CSMD1: variants seen among roughly 807,000 people sequenced by gnomAD.
CSMD1 encodes CUB and sushi domain-containing protein 1.
A neutral mutation model predicts 417.5 loss-of-function variants in CSMD1; 213 were observed. The observed-to-expected ratio is 0.51, with a 90% confidence interval of 0.46 to 0.57. CSMD1 has a LOEUF of 0.57. Among genes scored for constraint, CSMD1 ranks in the 20% least tolerant of loss-of-function variants. The probability of loss-of-function intolerance (pLI) is 0.00; values close to 1 mark genes in which losing one functional copy is unlikely to be tolerated. For missense variants in CSMD1, 6,923 were observed against 4,529.7 expected, an observed-to-expected ratio of 1.53 and a Z score of -15.17; for synonymous variants, 2,862 against 1,736.8, an observed-to-expected ratio of 1.65 and a Z score of -16.11.
At chr8:3,984,778 T>C (rs971413754) in intron 5 of CSMD1, among the ~76,000 whole-genome samples, 1 of 145,252 alleles carries the variant, frequency 6.9e-6, no homozygotes, top group African/African-American at 2.5e-5. Flanking sequence ...CGTGTGTGTG[T>C]GTGTGTGGGT....
intron 7 of CSMD1, among the ~76,000 whole-genome samples, chr8:3,667,620 T>G (rs975073425): frequency 9.9e-5 from 15 of 152,108 alleles, no homozygotes; most frequent in African/African-American, 3.6e-4. Context: ...AGAGGAGTCC[T>G]CCTCCTTATT....
chr8:3,714,298 A>C (rs571305481), intron 6 of CSMD1, among the ~76,000 whole-genome samples: 16 of 151,138 alleles, frequency 1.1e-4, no homozygotes, highest in African/African-American at 3.9e-4. Context: ...GATTTCTGTT[A>C]AATTTGAGAA....
chr8:3,344,434 C>T lies in CSMD1; in HGVS notation c.3475-984G>A, dbSNP rs142789994. Among the ~76,000 whole-genome samples, 1,409 of 152,260 alleles carry T rather than the reference C, an allele frequency of 9.3e-3. 14 individuals are homozygous for T. Among genetic ancestry groups the T allele is most frequent in the Non-Finnish European group, 0.014 (978 of 68,026 alleles). ...GGGTAACAAGCCTGCACTTCCTGCA[C>T]ACGTATCCCAGAGCTTAAGATAAAA... is the stretch of plus-strand genomic sequence containing the variant. On this transcript the variant is annotated intron_variant, in intron 22 of 69. Coordinates refer to ENST00000635120, the MANE Select transcript of CSMD1 (RefSeq NM_033225.6).
intron 10 of CSMD1, among the ~76,000 whole-genome samples, chr8:3,520,225 G>A (rs1022631436): frequency 1.3e-5 from 2 of 151,930 alleles, no homozygotes; most frequent in African/African-American, 4.8e-5. Context: ...ACTATATGTA[G>A]ATAAGTTGAT....
rs200630697 is a variant in CSMD1 at position 3,971,475 on chromosome 8, A to T, written c.818+26428T>A. On this transcript the variant is annotated intron_variant, in intron 5 of 69. Coordinates refer to ENST00000635120, the MANE Select transcript of CSMD1 (RefSeq NM_033225.6). ...CGACTAATGCAATTGCAAGTTGACA[A>T]CTTTAAAAAATCTATGTGATAAATC... 1.5e-4 allele frequency among the ~76,000 whole-genome samples: 23 copies of T among 152,370 alleles called. No homozygotes were observed. The East Asian group carries it at 2.7e-3, about 18-fold the overall frequency.
intron 6 of CSMD1, among the ~76,000 whole-genome samples, chr8:3,749,222 T>C (rs1797202720): frequency 6.6e-6 from 1 of 152,206 alleles, no homozygotes; most frequent in Admixed American, 6.5e-5. Flanking sequence ...ATGGGCTCAA[T>C]TTTCAGCTGA....
intron 25 of CSMD1, among the ~76,000 whole-genome samples, chr8:3,306,136 C>T (rs1804824210): frequency 6.6e-6 from 1 of 152,024 alleles, no homozygotes; most frequent in Admixed American, 6.6e-5. Context: ...CACTTCATCC[C>T]ATTTTATTTT....
intron 3 of CSMD1, among the ~76,000 whole-genome samples, chr8:4,225,697 C>T (rs541753951): frequency 1.3e-5 from 2 of 152,080 alleles, no homozygotes; most frequent in African/African-American, 2.4e-5. Context: ...TCTCACCAGG[C>T]AAGGATGTTA....
intron 3 of CSMD1, among the ~76,000 whole-genome samples, chr8:4,225,182 C>T (rs969983115): frequency 1.3e-5 from 2 of 152,158 alleles, no homozygotes; most frequent in South Asian, 2.1e-4. Flanking sequence ...TATTTCAGGA[C>T]ACATGGCAAC....
chr8:3,605,241 C>T (rs1055149103), intron 8 of CSMD1, among the ~76,000 whole-genome samples: 1 of 152,152 alleles, frequency 6.6e-6, no homozygotes, highest in African/African-American at 2.4e-5. Flanking sequence ...CCACCCGCCT[C>T]GGCCTCCCAC....
intron 23 of CSMD1, among the ~76,000 whole-genome samples, chr8:3,314,168 T>C (rs568653468): frequency 2.6e-5 from 4 of 152,156 alleles, no homozygotes; most frequent in Non-Finnish European, 4.4e-5. Flanking sequence ...ATACCTAATG[T>C]TAAATGACTA....
At chr8:3,475,782 G>T (rs1246381819) in intron 11 of CSMD1, among the ~76,000 whole-genome samples, 1 of 152,218 alleles carries the variant, frequency 6.6e-6, no homozygotes, top group African/African-American at 2.4e-5. Flanking sequence ...TGAAGGAAAT[G>T]ATATGTGATT....
At chr8:3,704,265 G>A (rs1801039579) in intron 7 of CSMD1, among the ~76,000 whole-genome samples, 1 of 152,108 alleles carries the variant, frequency 6.6e-6, no homozygotes, top group South Asian at 2.1e-4. Context: ...CTGGACAGAT[G>A]AGCAAGCAGG....
At chr8:3,065,270 T>A (rs147501235) in intron 49 of CSMD1, among the ~76,000 whole-genome samples, 1,787 of 151,742 alleles carry the variant, frequency 0.012, 38 homozygotes, top group African/African-American at 0.041. Flanking sequence ...AGAGGAAGAC[T>A]GGAATATGAT....
intron 5 of CSMD1, among the ~76,000 whole-genome samples, chr8:3,923,083 C>A (rs915204676): frequency 1.3e-5 from 2 of 152,070 alleles, no homozygotes; most frequent in Non-Finnish European, 2.9e-5. Flanking sequence ...AGCCCAGTTG[C>A]GAAGGGCCCT....
At chr8:4,791,786 A>T (rs190786889) in intron 1 of CSMD1, among the ~76,000 whole-genome samples, 14 of 152,316 alleles carry the variant, frequency 9.2e-5, no homozygotes, top group African/African-American at 3.4e-4. Context: ...TTTCACTTTG[A>T]GATTCCTCCA....
At chr8:3,830,476 T>C (rs1413366557) in intron 5 of CSMD1, among the ~76,000 whole-genome samples, 3 of 152,260 alleles carry the variant, frequency 2.0e-5, no homozygotes, top group African/African-American at 7.2e-5. Context: ...CTCTAAGCTC[T>C]GCATTCTGTG....
chr8:4,054,786 G>C (rs1029862344), intron 3 of CSMD1, among the ~76,000 whole-genome samples: 30 of 152,032 alleles, frequency 2.0e-4, no homozygotes, highest in African/African-American at 7.0e-4. Context: ...CCTTCAAGTG[G>C]ACGAACAACA....
chr8:3,732,118 G>A (rs1394288453), intron 6 of CSMD1, among the ~76,000 whole-genome samples: 3 of 152,178 alleles, frequency 2.0e-5, no homozygotes, highest in Admixed American at 1.3e-4. Context: ...GGCCTTGGAG[G>A]AGAGGGCTCC....
Sources: gnomAD v4.1 joint callset for allele counts (sites outside exome capture counted in the v4.1 genomes callset) on GRCh38, gnomAD v4.1.1 for gene constraint, MANE v1.5 for transcripts, NCBI Gene and HGNC (gene_info 2026-07-23, HGNC 2026-07-21) for gene names.